Variants in ABCC11 observed in about 807,000 individuals in gnomAD.
The protein encoded by ABCC11 is ATP-binding cassette sub-family C member 11.
Under a neutral mutation model 149.3 loss-of-function variants are expected in ABCC11, and 135 were observed. The ratio of observed to expected loss-of-function variants is 0.90; its 90% CI spans 0.79 to 1.04. The LOEUF (loss-of-function observed/expected upper bound fraction) is 1.04. Among genes scored for constraint, ABCC11 ranks in the 50% least tolerant of loss-of-function variants. ABCC11 has a pLI of 0.00. For missense variants in ABCC11, 1,680 were observed against 1,722.1 expected, an observed-to-expected ratio of 0.98 and a Z score of 0.43; for synonymous variants, 665 against 671.4, an observed-to-expected ratio of 0.99 and a Z score of 0.15.
intron 12 of ABCC11, among the ~76,000 whole-genome samples, chr16:48,205,850 G>A (rs372630994): frequency 9.6e-5 from 14 of 145,288 alleles, no homozygotes; most frequent in East Asian, 4.0e-4. Flanking sequence ...TCGCTCTGTC[G>A]CCCAGGCTGG....
intron 1 of ABCC11, among the ~76,000 whole-genome samples, chr16:48,243,680 C>T (rs1971138469): frequency 6.6e-6 from 1 of 152,188 alleles, no homozygotes. Flanking sequence ...AGGAACTCTG[C>T]TGTAGTTTTG....
intron 1 of ABCC11, among the ~76,000 whole-genome samples, chr16:48,235,888 C>T (rs1970661961): frequency 6.6e-6 from 1 of 152,150 alleles, no homozygotes; most frequent in South Asian, 2.1e-4. Flanking sequence ...AGACTGTGAA[C>T]AGGAGGGGAG....
intron 15 of ABCC11, among the ~76,000 whole-genome samples, chr16:48,199,672 A>ATTTTTT (rs71134549): frequency 1.7e-5 from 1 of 58,242 alleles, no homozygotes. Flanking sequence ...TTTTTTATTG[A>ATTTTTT]TTTTTTTTTT....
chr16:48,186,043 A>G (rs1389979618), intron 22 of ABCC11, among the ~76,000 whole-genome samples: 2 of 152,166 alleles, frequency 1.3e-5, no homozygotes, highest in African/African-American at 4.8e-5. Context: ...ATCTTAGTAT[A>G]TACCTTGGGG....
intron 4 of ABCC11, among the ~76,000 whole-genome samples, chr16:48,226,556 C>T (rs1021326836): frequency 3.3e-5 from 5 of 152,058 alleles, no homozygotes; most frequent in African/African-American, 1.2e-4. Context: ...GGATTACAGG[C>T]GTGAGCCACT....
chr16:48,183,250 C>G (rs1160177366), intron 23 of ABCC11, among the ~76,000 whole-genome samples: 2 of 152,248 alleles, frequency 1.3e-5, no homozygotes, highest in Admixed American at 6.5e-5. Flanking sequence ...TGGACTGGTA[C>G]AGCCCAGGTT....
intron 23 of ABCC11, among the ~76,000 whole-genome samples, chr16:48,181,058 C>T (rs1200412221): frequency 2.2e-4 from 34 of 152,230 alleles, no homozygotes; most frequent in Admixed American, 2.2e-3. Flanking sequence ...CTCTGCCTCG[C>T]TCCCTACAAG....
At chr16:48,169,897 C>T (rs1416198141) in intron 28 of ABCC11, among the ~76,000 whole-genome samples, 1 of 152,142 alleles carries the variant, frequency 6.6e-6, no homozygotes, top group Non-Finnish European at 1.5e-5. Context: ...CACATGTACC[C>T]TAGAACTTAA....
At chr16:48,175,230 G>C in intron 26 of ABCC11, 28 bp downstream of exon 26, 5 of 1,589,854 alleles carry the variant, frequency 3.1e-6, no homozygotes, top group South Asian at 1.1e-5. Flanking sequence ...CCCACCTCCT[G>C]CAGGCTGCCT....
intron 24 of ABCC11, among the ~76,000 whole-genome samples, chr16:48,177,822 G>C (rs1966186363): frequency 6.6e-6 from 1 of 152,220 alleles, no homozygotes. Context: ...CTCATGCAAG[G>C]GGGCAGGAGA....
rs1192011578 is a variant in ABCC11 at position 48,214,410 on chromosome 16, T to C, written c.1248+471A>G. ...TGCCTCCTGGCCTCCCCAGTTGGAT[T>C]ACCACCCCTCCAAGAGCAGCACCCT... On this transcript the variant is annotated intron_variant, in intron 9 of 29. Transcript: ENST00000356608. Among the ~76,000 whole-genome samples the C allele has an allele frequency of 3.3e-5, 5 of 152,148 alleles. No individual in the cohort carries two copies. The East Asian group carries it at 9.7e-4, about 30-fold the overall frequency.
chr16:48,168,499 G>A (rs1204095570), intron 28 of ABCC11, among the ~76,000 whole-genome samples: 2 of 152,170 alleles, frequency 1.3e-5, no homozygotes, highest in African/African-American at 2.4e-5. Context: ...ACATGTGTGT[G>A]AGCATGCATA....
chr16:48,221,462 A>T (rs1003937368), intron 6 of ABCC11, among the ~76,000 whole-genome samples: 8 of 151,960 alleles, frequency 5.3e-5, no homozygotes, highest in African/African-American at 1.7e-4. Flanking sequence ...AAAAAAAAGC[A>T]AGAGTAAGAA....
At chr16:48,177,920 A>G (rs1158820335) in intron 24 of ABCC11, among the ~76,000 whole-genome samples, 2 of 152,206 alleles carry the variant, frequency 1.3e-5, no homozygotes, top group African/African-American at 4.8e-5. Flanking sequence ...CCTTGTCTGA[A>G]AAATGTGGAT....
intron 26 of ABCC11, among the ~76,000 whole-genome samples, chr16:48,173,334 C>G (rs1056783333): frequency 6.6e-6 from 1 of 152,106 alleles, no homozygotes; most frequent in Non-Finnish European, 1.5e-5. Flanking sequence ...TCATGTTCGC[C>G]ATTTCTTTGT....
rs1334611420 is a variant in ABCC11, at chr16:48,193,995, C to CA, written c.2405-14dup. On this transcript the variant is annotated splice_polypyrimidine_tract_variant and intron_variant, in intron 18 of 29. Transcript: ENST00000356608. ...GAGACCATGTAACCTGGGAGGGAGA[C>CA]AGTGGTGATGTACAAGTGCCACAAA... 6.3e-7 allele frequency: 1 copy of CA among 1,592,350 alleles called. No homozygotes were observed. The highest frequency in any genetic ancestry group is 8.6e-7 in the Non-Finnish European group (1 of 1,160,906).
intron 26 of ABCC11, among the ~76,000 whole-genome samples, chr16:48,172,115 C>T (rs557141037): frequency 2.0e-5 from 3 of 152,310 alleles, no homozygotes; most frequent in East Asian, 1.9e-4. Context: ...TTCCAGCTAC[C>T]TCATATAAGT....
At chr16:48,187,129 C>A in intron 21 of ABCC11, 39 bp from the exon 22 acceptor site, 1 of 1,613,878 alleles carries the variant, frequency 6.2e-7, no homozygotes, top group Non-Finnish European at 8.5e-7. Context: ...GGACCGTCCA[C>A]CTCTGGGACC....
rs189252225 is a variant in ABCC11, at chr16:48,178,282, A to G, written c.3348+315T>C. Among the ~76,000 whole-genome samples, 643 of 152,342 alleles carry G rather than the reference A, an allele frequency of 4.2e-3. 2 individuals are homozygous for G. The highest frequency in any genetic ancestry group is 6.3e-3 in the Non-Finnish European group (426 of 68,032). On this transcript the variant is annotated intron_variant, in intron 24 of 29. Coordinates refer to ENST00000356608, the MANE Select transcript of ABCC11 (RefSeq NM_001370497.1). ...TCTTAACCACCATGACATAAATGGA[A>G]GCAATAATAGGAACAAAGATTGTTG...
Sources: allele counts gnomAD v4.1 joint callset (sites outside exome capture counted in the v4.1 genomes callset), GRCh38; gene constraint gnomAD v4.1.1; transcripts MANE v1.5; gene names NCBI Gene and HGNC (gene_info 2026-07-23, HGNC 2026-07-21).